Variants in POLN observed in about 807,000 individuals in gnomAD.
POLN encodes the protein DNA polymerase nu, also known as DNA polymerase N.
POLN carries 108 observed loss-of-function variants against 113.5 expected under a neutral mutation model. The observed-to-expected ratio is 0.95, with a 90% confidence interval of 0.81 to 1.12. POLN has a LOEUF of 1.12. POLN is among the 50% of genes most tolerant of loss of function. The pLI is 0.00. For synonymous variants in POLN, 386 were observed against 391.5 expected (o/e 0.99, Z 0.17); for missense variants, 1,097 against 1,077.1 (o/e 1.02, Z -0.26).
chr4:2,158,792 G>A (rs1732502229), intron 14 of POLN, among the ~76,000 whole-genome samples: 1 of 152,192 alleles, frequency 6.6e-6, no homozygotes, highest in African/African-American at 2.4e-5. Flanking sequence ...CACTACTACG[G>A]TATGGTCTTG....
chr4:2,223,510 G>A (rs1196071989), intron 3 of POLN, among the ~76,000 whole-genome samples: 3 of 152,106 alleles, frequency 2.0e-5, no homozygotes, highest in Admixed American at 6.6e-5. Context: ...GCATCCACCC[G>A]ACCCCCATCC....
chr4:2,088,827 C>T (rs1730605129), intron 20 of POLN: 1 of 1,458,160 alleles, frequency 6.9e-7, no homozygotes, highest in African/African-American at 1.4e-5. Context: ...TCCTTTACAT[C>T]TTGAACTTGT....
chr4:2,158,515 C>T (rs1317815999), intron 14 of POLN, among the ~76,000 whole-genome samples: 1 of 152,126 alleles, frequency 6.6e-6, no homozygotes, highest in Non-Finnish European at 1.5e-5. Context: ...CTGGTGGCCC[C>T]TTTACATCGT....
rs111678365 is a variant in POLN, at chr4:2,219,038, C to T, written c.134-5912G>A. ...ATCTTTGCTGGGAAGGCAGTTTCAG[C>T]GTCATCCACTTGAGCTTACTCACTA... On this transcript the variant is annotated intron_variant, in intron 3 of 25. Coordinates refer to ENST00000511885, the MANE Select transcript of POLN (RefSeq NM_181808.4). Among the ~76,000 whole-genome samples, 882 of 152,270 alleles carry T rather than the reference C, an allele frequency of 5.8e-3. 2 individuals carry two copies. Among genetic ancestry groups the T allele is most frequent in the Non-Finnish European group, 0.01 (681 of 68,024 alleles).
At chr4:2,238,102 C>T (rs1734832539) in intron 2 of POLN, among the ~76,000 whole-genome samples, 1 of 152,102 alleles carries the variant, frequency 6.6e-6, no homozygotes, top group South Asian at 2.1e-4. Flanking sequence ...ACTACTTTAG[C>T]CCTCCAATTT....
At chr4:2,075,308 C>T in intron 24 of POLN, 144 bp downstream of exon 24, 2 of 923,964 alleles carry the variant, frequency 2.2e-6, no homozygotes, top group East Asian at 5.4e-5. Context: ...TGCCAGGACC[C>T]AGGTGACACA....
chr4:2,241,051 C>T (rs1188702213), intron 2 of POLN: 2 of 792,492 alleles, frequency 2.5e-6, no homozygotes, highest in East Asian at 2.5e-5. Context: ...ACCAAGTCCA[C>T]AGAGAAGGGA....
chr4:2,072,217 C>A lies in POLN; in HGVS notation c.2600G>T (p.Gly867Val), dbSNP rs376299084. 9.3e-6 allele frequency: 15 copies of A among 1,606,278 alleles called. No homozygotes were observed. Among genetic ancestry groups the A allele is most frequent in the Admixed American group, 1.7e-5 (1 of 59,298 alleles). The change falls in exon 26 of 26, where the codon GGC becomes GTC. Residue 867 changes from glycine (G) to valine (V), a missense_variant. Gly to Val is a moderately radical substitution (Grantham distance 109). Transcript: ENST00000511885. ...GCTGGGAGACTCAGTGCGACATGGG[C>A]CTGGCGGAGGGCCCCAGGCCTCCTG... ...PLQEAWGPPP[G>V]PCRTESPSNS...
At chr4:2,161,565 C>T (rs991097577) in intron 13 of POLN, among the ~76,000 whole-genome samples, 1 of 152,246 alleles carries the variant, frequency 6.6e-6, no homozygotes, top group Non-Finnish European at 1.5e-5. Context: ...TCCGTGGGCT[C>T]CTGTGCGGCT....
chr4:2,073,945 C>T lies in POLN; in HGVS notation c.2456-916G>A, dbSNP rs149642019. On this transcript the variant is annotated intron_variant, in intron 24 of 25. Coordinates refer to ENST00000511885, the MANE Select transcript of POLN (RefSeq NM_181808.4). ...AGCTGTCGGCCAGCAGGTGGGCACACGGCCCATGTGCATGGTGGGGAGCCC... is the reference window on the plus strand; with the variant it reads ...AGCTGTCGGCCAGCAGGTGGGCACATGGCCCATGTGCATGGTGGGGAGCCC... 2.3e-3 allele frequency among the ~76,000 whole-genome samples: 353 copies of T among 152,344 alleles called. 2 individuals carry two copies. Among genetic ancestry groups the T allele is most frequent in the African/African-American group, 7.8e-3 (324 of 41,582 alleles).
chr4:2,225,693 A>G (rs1475669844), intron 3 of POLN, among the ~76,000 whole-genome samples: 1 of 151,990 alleles, frequency 6.6e-6, no homozygotes, highest in Non-Finnish European at 1.5e-5. Context: ...GAAAAAATTT[A>G]TAATACTAAA....
chr4:2,114,853 T>C (rs748337922), intron 19 of POLN, among the ~76,000 whole-genome samples: 2 of 151,956 alleles, frequency 1.3e-5, no homozygotes, highest in Admixed American at 1.3e-4. Context: ...CTTCTGCTTG[T>C]GAGATGCCAA....
Position 2,159,229 on chromosome 4 carries a change from T to TA in POLN, c.1555-19dup. ...GCATTTAACTAAACATGAAAATAGA[T>TA]ACTACCAATGTAATTCGTCCATTTT... On this transcript the variant is annotated intron_variant, in intron 13 of 25. Coordinates refer to ENST00000511885, the MANE Select transcript of POLN (RefSeq NM_181808.4). The TA allele has an allele frequency of 6.4e-7, 1 of 1,573,950 alleles. No individual in the cohort carries two copies. The highest frequency in any genetic ancestry group is 8.7e-7 in the Non-Finnish European group (1 of 1,146,706).
rs80058049 is a variant in POLN at position 2,105,434 on chromosome 4, G to A, written c.1983-9501C>T. ...GCATCCAGTTAAAGGTGGCACATCT[G>A]TTTCTCTCTGCTCCCTACCAAGAAC... On this transcript the variant is annotated intron_variant, in intron 19 of 25. Coordinates refer to ENST00000511885, the MANE Select transcript of POLN (RefSeq NM_181808.4). Among the ~76,000 whole-genome samples the A allele has an allele frequency of 1.6e-4, 24 of 152,204 alleles. No homozygotes were observed. In the East Asian group the frequency reaches 4.4e-3, roughly 28 times the overall value.
intron 8 of POLN, chr4:2,177,306 T>G (rs1380002053): frequency 4.1e-6 from 2 of 484,576 alleles, no homozygotes; most frequent in African/African-American, 3.9e-5. Flanking sequence ...TCTCCCCAGG[T>G]TGGTCTTGCT....
chr4:2,090,871 A>G (rs1244927382), intron 20 of POLN, among the ~76,000 whole-genome samples: 1 of 152,222 alleles, frequency 6.6e-6, no homozygotes, highest in East Asian at 1.9e-4. Flanking sequence ...GCAGAGTTCA[A>G]ACCTAGAATT....
chr4:2,077,400 C>T (rs1730301595), intron 23 of POLN, among the ~76,000 whole-genome samples: 1 of 152,236 alleles, frequency 6.6e-6, no homozygotes, highest in South Asian at 2.1e-4. Flanking sequence ...ACTACGTGGG[C>T]CCAGACAGCG....
Position 2,096,605 on chromosome 4 carries a change from C to G in POLN, c.1983-672G>C, listed in dbSNP as rs573206482. ...ATGTACCCTCGGTGCCACCTCCTGC[C>G]TGCTGCTTTTGTAAACATCCTTATC... On this transcript the variant is annotated intron_variant, in intron 19 of 25. Coordinates refer to ENST00000511885, the MANE Select transcript of POLN (RefSeq NM_181808.4). Among the ~76,000 whole-genome samples, 23 of 150,950 alleles carry G rather than the reference C, an allele frequency of 1.5e-4. No individual in the cohort carries two copies. In the South Asian group the frequency reaches 4.7e-3, roughly 31 times the overall value.
rs1730169800 is a variant in POLN, at chr4:2,072,396, G to A, written c.2518-97C>T. On this transcript the variant is annotated intron_variant, in intron 25 of 25. Transcript: ENST00000511885. ...AGGGGGACAGGGCCTACAGCACACAGGTGCACACATCCAGATACATGATCA... is the reference window on the plus strand; with the variant it reads ...AGGGGGACAGGGCCTACAGCACACAAGTGCACACATCCAGATACATGATCA... The A allele has an allele frequency of 2.9e-6, 3 of 1,025,956 alleles. No homozygotes were observed. The South Asian group carries it at 5.1e-5, about 17-fold the overall frequency. 63.6% of individuals were successfully genotyped at this position (1,025,956 alleles called of 1,614,324 possible).
Sources: gnomAD v4.1 joint callset for allele counts (sites outside exome capture counted in the v4.1 genomes callset) on GRCh38, gnomAD v4.1.1 for gene constraint, MANE v1.5 for transcripts, NCBI Gene and HGNC (gene_info 2026-07-23, HGNC 2026-07-21) for gene names.